The following TMEM114 variants were observed in gnomAD, a reference collection of about 807,000 sequenced individuals.
TMEM114 encodes the protein claudin-26.
In TMEM114, 6 loss-of-function variants were observed where a neutral mutation model predicts 6.2. The observed-to-expected ratio is 0.97, with a 90% CI of 0.53 to 1.91. The LOEUF is 1.91. Ranked by LOEUF, TMEM114 falls within the 40% of genes most tolerant of loss-of-function variation. TMEM114 has a pLI of 0.01. For missense variants in TMEM114, 218 were observed against 158.3 expected (o/e 1.38, Z -2.02); for synonymous variants, 104 against 73.0 (o/e 1.42, Z -2.16).
intron 2 of TMEM114, among the ~76,000 whole-genome samples, chr16:8,561,383 A>T (rs996749328): frequency 2.4e-4 from 37 of 152,252 alleles, no homozygotes; most frequent in South Asian, 2.1e-4. Context: ...TCTGCTTTAC[A>T]GAACTTCTTA....
intron 3 of TMEM114, 115 bp from the exon 4 acceptor site, chr16:8,570,120 C>T (rs1901682995): frequency 2.9e-6 from 4 of 1,373,996 alleles, no homozygotes; most frequent in Non-Finnish European, 2.9e-6. Context: ...TCGCTCCTTC[C>T]TGCTGCGGGA....
chr16:8,536,936 A>G (rs1179791093), downstream of TMEM114, among the ~76,000 whole-genome samples: 1 of 152,022 alleles, frequency 6.6e-6, no homozygotes, highest in Non-Finnish European at 1.5e-5. Context: ...GGCCAGGTGC[A>G]GTGGCTCACA....
In TMEM114 at chr16:8,569,854, G is replaced by T. The variant is rs796955400; in HGVS notation, c.591C>A (p.Ile197=). Residue 197 remains isoleucine, a synonymous_variant, in exon 4 of 4, where the codon ATC becomes ATA. Transcript: ENST00000620492. Reference sequence around the variant, plus strand: ...AGGCTGCCCCGGTGAGCAGCTCGGCGATGAAGCTGATCCAGCCCAGGGCCA... The same window carrying T: ...AGGCTGCCCCGGTGAGCAGCTCGGCTATGAAGCTGATCCAGCCCAGGGCCA... ...WSLALGWISF[I]AELLTGAAFL... The T allele has an allele frequency of 2.6e-5, 41 of 1,550,966 alleles. No individual in the cohort carries two copies. In the Admixed American group the frequency reaches 8.0e-4, roughly 30 times the overall value.
At chr16:8,537,443 G>T (rs1253959314), downstream of TMEM114, among the ~76,000 whole-genome samples, 1 of 152,152 alleles carries the variant, frequency 6.6e-6, no homozygotes, top group East Asian at 1.9e-4. Flanking sequence ...AGAGGTTTCA[G>T]TGAGCCAAGA....
chr16:8,545,469 T>A (rs923239118), intron 2 of TMEM114, among the ~76,000 whole-genome samples: 1 of 152,156 alleles, frequency 6.6e-6, no homozygotes, highest in African/African-American at 2.4e-5. Flanking sequence ...ATCATCACCA[T>A]CATCACCATC....
intron 2 of TMEM114, among the ~76,000 whole-genome samples, chr16:8,581,621 T>C (rs1487991864): frequency 6.6e-6 from 1 of 152,186 alleles, no homozygotes; most frequent in Non-Finnish European, 1.5e-5. Context: ...ACCTGGCTAA[T>C]TTTTGTATTT....
downstream of TMEM114, among the ~76,000 whole-genome samples, chr16:8,533,511 A>G (rs1233932086): frequency 6.6e-6 from 1 of 152,240 alleles, no homozygotes; most frequent in Non-Finnish European, 1.5e-5. Context: ...AGGTTAGTAT[A>G]TTATTCTAAG....
chr16:8,532,903 G>A (rs753295712), downstream of TMEM114, among the ~76,000 whole-genome samples: 6 of 152,156 alleles, frequency 3.9e-5, no homozygotes, highest in Admixed American at 2.0e-4. Flanking sequence ...CAGCCTGGGT[G>A]ACAGCGCAAG....
intron 2 of TMEM114, among the ~76,000 whole-genome samples, chr16:8,542,074 T>C (rs972989577): frequency 1.3e-5 from 2 of 152,116 alleles, no homozygotes; most frequent in African/African-American, 4.8e-5. Context: ...AGCAGAAGCA[T>C]ACCATTGTGC....
chr16:8,558,750 T>C (rs1901099020), intron 2 of TMEM114, among the ~76,000 whole-genome samples: 1 of 151,844 alleles, frequency 6.6e-6, no homozygotes, highest in African/African-American at 2.4e-5. Flanking sequence ...CAGTTCTTTT[T>C]TTTTTTTTCG....
At chr16:8,581,963 T>A (rs1028874315) in intron 2 of TMEM114, among the ~76,000 whole-genome samples, 4 of 152,210 alleles carry the variant, frequency 2.6e-5, no homozygotes, top group African/African-American at 9.6e-5. Flanking sequence ...TCAGGCAGCC[T>A]CTTCAAGCAT....
At chr16:8,573,825 C>T (rs1462154366) in intron 2 of TMEM114, among the ~76,000 whole-genome samples, 1 of 152,128 alleles carries the variant, frequency 6.6e-6, no homozygotes, top group Non-Finnish European at 1.5e-5. Flanking sequence ...CATTTATTAC[C>T]TAGTGTTGAG....
chr16:8,527,003 C>T, the TMEM114 span, among the ~76,000 whole-genome samples: 88,802 of 151,710 alleles, frequency 0.59, 26,051 homozygotes, highest in South Asian at 0.64. Context: ...AGGTCAGGAG[C>T]TCAAGACCAG....
At chr16:8,528,245 C>T in the TMEM114 span, among the ~76,000 whole-genome samples, 5 of 27,650 alleles carry the variant, frequency 1.8e-4, no homozygotes, top group Non-Finnish European at 2.3e-4. Context: ...ACCCAAAATG[C>T]GCACACACAC....
At chr16:8,561,245 C>G (rs1303722322) in intron 2 of TMEM114, among the ~76,000 whole-genome samples, 1 of 152,232 alleles carries the variant, frequency 6.6e-6, no homozygotes, top group African/African-American at 2.4e-5. Flanking sequence ...ATAGCACAGT[C>G]TTGGGCAACA....
chr16:8,583,233 T>C (rs937516570), intron 2 of TMEM114, among the ~76,000 whole-genome samples: 1 of 152,164 alleles, frequency 6.6e-6, no homozygotes, highest in African/African-American at 2.4e-5. Context: ...GAAATCAATA[T>C]GTACTGAGCA....
chr16:8,555,548 A>T (rs921909593), intron 2 of TMEM114, among the ~76,000 whole-genome samples: 3 of 152,198 alleles, frequency 2.0e-5, no homozygotes, highest in African/African-American at 7.2e-5. Flanking sequence ...GTAAACTGTC[A>T]TGGCGCTGGT....
At chr16:8,576,356 C>T (rs1567208737) in intron 2 of TMEM114, among the ~76,000 whole-genome samples, 1 of 152,210 alleles carries the variant, frequency 6.6e-6, no homozygotes, top group Non-Finnish European at 1.5e-5. Context: ...CCCGTAAGTC[C>T]TTCCTGGCAA....
At chr16:8,563,452 AGT>A (rs1567202988) in intron 2 of TMEM114, among the ~76,000 whole-genome samples, 5 of 150,996 alleles carry the variant, frequency 3.3e-5, no homozygotes, top group Admixed American at 2.0e-4. Context: ...TAAGTGAATG[AGT>A]GAGTGAATGA....
Sources: allele counts gnomAD v4.1 joint callset (sites outside exome capture counted in the v4.1 genomes callset), GRCh38; gene constraint gnomAD v4.1.1; transcripts MANE v1.5; gene names NCBI Gene and HGNC (gene_info 2026-07-23, HGNC 2026-07-21).